Variants in STXBP5L observed in about 807,000 individuals in gnomAD.
STXBP5L encodes the protein syntaxin binding protein 5L, also known as syntaxin-binding protein 5-like.
A neutral mutation model predicts 144.5 loss-of-function variants in STXBP5L; 65 were observed. That is an observed-to-expected ratio of 0.45 (90% confidence interval 0.37 to 0.55). The LOEUF (loss-of-function observed/expected upper bound fraction) is 0.55. Ranked by LOEUF, STXBP5L falls within the 20% of genes least tolerant of loss-of-function variation. STXBP5L has a pLI of 0.00. For missense variants in STXBP5L, 1,298 were observed against 1,405.5 expected, an observed-to-expected ratio of 0.92 and a Z score of 1.22; for synonymous variants, 505 against 469.6, an observed-to-expected ratio of 1.08 and a Z score of -0.97.
intron 5 of STXBP5L, among the ~76,000 whole-genome samples, chr3:121,111,348 T>C (rs1407407590): frequency 6.6e-6 from 1 of 152,224 alleles, no homozygotes; most frequent in Non-Finnish European, 1.5e-5. Flanking sequence ...TGTTTTTTCA[T>C]TGATTCTTTC....
intron 18 of STXBP5L, among the ~76,000 whole-genome samples, chr3:121,279,599 CT>C (rs998375446): frequency 1.2e-4 from 18 of 151,876 alleles, no homozygotes; most frequent in Non-Finnish European, 2.1e-4. Flanking sequence ...GCCGATCATC[CT>C]TTTTTTGTGG....
At chr3:121,328,776 C>A (rs944908070) in intron 20 of STXBP5L, among the ~76,000 whole-genome samples, 1 of 151,728 alleles carries the variant, frequency 6.6e-6, no homozygotes, top group Admixed American at 6.6e-5. Flanking sequence ...ATAAACTAGG[C>A]TTCGCTTCAT....
At chr3:121,357,968 C>G (rs954876865) in intron 20 of STXBP5L, 1 of 151,770 alleles carries the variant, frequency 6.6e-6, no homozygotes, top group African/African-American at 2.4e-5. Flanking sequence ...TTTTAAAAAT[C>G]TTTTATTTTA....
At chr3:121,367,216 G>A (rs1362723753) in intron 20 of STXBP5L, among the ~76,000 whole-genome samples, 1 of 151,972 alleles carries the variant, frequency 6.6e-6, no homozygotes, top group Non-Finnish European at 1.5e-5. Flanking sequence ...CCTTGTATTT[G>A]TCTTTATTGA....
At chr3:121,302,225 G>A (rs338967) in intron 19 of STXBP5L, among the ~76,000 whole-genome samples, 73,116 of 151,850 alleles carry the variant, frequency 0.48, 18,126 homozygotes, top group East Asian at 0.73. Context: ...TTCAGAGCCT[G>A]TTATTGGTCT....
chr3:121,067,732 T>C (rs1361008349), intron 5 of STXBP5L, among the ~76,000 whole-genome samples: 1 of 152,164 alleles, frequency 6.6e-6, no homozygotes, highest in African/African-American at 2.4e-5. Flanking sequence ...TGATTATAAA[T>C]TTTAGAATTT....
intron 5 of STXBP5L, chr3:121,099,856 GA>G (rs1405780322): frequency 2.0e-5 from 3 of 152,126 alleles, no homozygotes; most frequent in Non-Finnish European, 2.9e-5. Flanking sequence ...GTCTTCAAGA[GA>G]CCCATTGCAC....
intron 20 of STXBP5L, among the ~76,000 whole-genome samples, chr3:121,333,421 T>C (rs1358411284): frequency 1.3e-5 from 2 of 151,394 alleles, no homozygotes; most frequent in Non-Finnish European, 2.9e-5. Flanking sequence ...CATCAAAAAG[T>C]TGGAAAGATC....
intron 18 of STXBP5L, among the ~76,000 whole-genome samples, chr3:121,275,245 A>G (rs996131495): frequency 1.3e-5 from 2 of 152,094 alleles, no homozygotes; most frequent in East Asian, 1.9e-4. Flanking sequence ...ACTTCTCTAT[A>G]TATTTTACAA....
Position 121,409,538 on chromosome 3 carries a change from G to C in STXBP5L, c.2948+1935G>C, listed in dbSNP as rs1401053230. On this transcript the variant is annotated intron_variant, in intron 23 of 26. Coordinates refer to ENST00000471454, the MANE Select transcript of STXBP5L (RefSeq NM_001308330.2). ...AGGCAGTGGTATAGATCAGGGTTTA[G>C]CAAATTAATATCCAAAACAAAATCG... 2.6e-5 allele frequency among the ~76,000 whole-genome samples: 4 copies of C among 151,844 alleles called. No homozygotes were observed. In the East Asian group the frequency reaches 7.7e-4, roughly 29 times the overall value.
At chr3:121,121,027 T>A (rs2044436094) in intron 6 of STXBP5L, among the ~76,000 whole-genome samples, 1 of 151,318 alleles carries the variant, frequency 6.6e-6, no homozygotes, top group Admixed American at 6.6e-5. Flanking sequence ...CCAGGTCTTT[T>A]AACAATATTC....
chr3:121,104,906 T>G (rs760379745), intron 5 of STXBP5L, among the ~76,000 whole-genome samples: 22 of 152,158 alleles, frequency 1.4e-4, no homozygotes, highest in South Asian at 4.1e-4. Flanking sequence ...ACTAAAAAGC[T>G]TCTGCACAGC....
intron 7 of STXBP5L, 102 bp from the exon 8 acceptor site, chr3:121,152,375 A>T (rs1374546231): frequency 1.2e-6 from 1 of 823,818 alleles, no homozygotes; most frequent in Non-Finnish European, 1.9e-6. Context: ...CTAAATAAGG[A>T]TGTTATGTGG....
Position 121,257,150 on chromosome 3 carries a change from A to T in STXBP5L, c.1660-11A>T, listed in dbSNP as rs1553751668. Reference sequence around the variant, plus strand: ...GTGACTTAAATTAAATTTAAACTTGATTTTTTTAAGTCATTAGAGGTACGA... The same window carrying T: ...GTGACTTAAATTAAATTTAAACTTGTTTTTTTTAAGTCATTAGAGGTACGA... On this transcript the variant is annotated splice_polypyrimidine_tract_variant and intron_variant, in intron 16 of 26. Coordinates refer to ENST00000471454, the MANE Select transcript of STXBP5L (RefSeq NM_001308330.2). 1.3e-6 allele frequency: 2 copies of T among 1,572,490 alleles called. No homozygotes were observed. The highest frequency in any genetic ancestry group is 2.7e-5 in the African/African-American group (2 of 73,600).
At chr3:121,033,731 CT>C (rs973293667) in intron 3 of STXBP5L, among the ~76,000 whole-genome samples, 4 of 151,676 alleles carry the variant, frequency 2.6e-5, no homozygotes, top group South Asian at 2.1e-4. Flanking sequence ...TAAGTAAGAA[CT>C]TTTTTTAATA....
At chr3:121,066,126 G>A (rs2041531312) in intron 5 of STXBP5L, among the ~76,000 whole-genome samples, 1 of 152,038 alleles carries the variant, frequency 6.6e-6, no homozygotes, top group South Asian at 2.1e-4. Context: ...CACACTCAAG[G>A]GCAAGAATAC....
intron 3 of STXBP5L, among the ~76,000 whole-genome samples, chr3:121,001,989 G>T (rs1232845085): frequency 6.6e-6 from 1 of 152,066 alleles, no homozygotes; most frequent in Admixed American, 6.5e-5. Context: ...CTCATATTAT[G>T]GCTATAATGA....
At chr3:121,346,215 T>C (rs528474088) in intron 20 of STXBP5L, among the ~76,000 whole-genome samples, 1 of 151,876 alleles carries the variant, frequency 6.6e-6, no homozygotes, top group South Asian at 2.1e-4. Flanking sequence ...TTGATTTTTG[T>C]CCTTGCAATA....
chr3:121,173,902 A>G (rs1053061813), intron 9 of STXBP5L, among the ~76,000 whole-genome samples: 2 of 151,890 alleles, frequency 1.3e-5, no homozygotes, highest in Non-Finnish European at 2.9e-5. Context: ...GGCACTTTGT[A>G]TGGGTTCCAT....
Sources: allele counts gnomAD v4.1 joint callset (sites outside exome capture counted in the v4.1 genomes callset), GRCh38; gene constraint gnomAD v4.1.1; transcripts MANE v1.5; gene names NCBI Gene and HGNC (gene_info 2026-07-23, HGNC 2026-07-21).